The following SAE1 variants were observed in gnomAD, a reference collection of about 807,000 sequenced individuals.
SAE1 encodes SUMO1 activating enzyme subunit 1, also known as SUMO-activating enzyme subunit 1.
SAE1 carries 11 observed loss-of-function variants against 40.6 expected under a neutral mutation model. That is an observed-to-expected ratio of 0.27 (90% CI 0.17 to 0.45). SAE1 has a LOEUF of 0.45. SAE1 is among the 20% of genes least tolerant of loss of function. The pLI, the probability that SAE1 is intolerant of heterozygous loss-of-function variation, is 1.00. For synonymous variants in SAE1, 155 were observed against 154.3 expected (o/e 1.00, Z -0.03); for missense variants, 373 against 427.3 (o/e 0.87, Z 1.12).
chr19:47,209,037 C>T lies in SAE1; in HGVS notation c.949-122C>T, dbSNP rs1174799404. The T allele has an allele frequency of 3.7e-6, 3 of 810,914 alleles. No homozygotes were observed. In the Admixed American group the frequency reaches 7.8e-5, roughly 21 times the overall value. 50.2% of individuals were successfully genotyped at this position (810,914 alleles called of 1,614,324 possible). On this transcript the variant is annotated intron_variant, in intron 8 of 8. Transcript: ENST00000270225. ...TTGTCTCCAGACATTGCCAAATAGC[C>T]CTTTGGGAGCAAAATCGACCCCAGT...
At chr19:47,185,965 C>T (rs2058541763) in intron 6 of SAE1, among the ~76,000 whole-genome samples, 1 of 149,002 alleles carries the variant, frequency 6.7e-6, no homozygotes, top group Non-Finnish European at 1.5e-5. Flanking sequence ...TGGCCCCGGG[C>T]GTGGTGGCTC....
chr19:47,192,368 G>A (rs1161892201), intron 6 of SAE1, among the ~76,000 whole-genome samples: 1 of 151,372 alleles, frequency 6.6e-6, no homozygotes, highest in South Asian at 2.1e-4. Context: ...CCTGCCTCAG[G>A]CTCCCGAGTA....
At chr19:47,202,544 C>G (rs2058661287) in intron 7 of SAE1, among the ~76,000 whole-genome samples, 1 of 151,846 alleles carries the variant, frequency 6.6e-6, no homozygotes, top group Non-Finnish European at 1.5e-5. Context: ...CCTCGACCTC[C>G]CAAAGTGCTG....
intron 7 of SAE1, among the ~76,000 whole-genome samples, chr19:47,199,230 C>CAA (rs2058636351): frequency 6.6e-6 from 1 of 151,320 alleles, no homozygotes; most frequent in African/African-American, 2.4e-5. Context: ...ACTAAAAATA[C>CAA]AAAAAATTAG....
chr19:47,142,948 T>C (rs2058231124), intron 1 of SAE1, among the ~76,000 whole-genome samples: 1 of 152,202 alleles, frequency 6.6e-6, no homozygotes, highest in African/African-American at 2.4e-5. Flanking sequence ...GCAGGGACTA[T>C]GTCTGATTCA....
rs75385988 is a variant in SAE1, at chr19:47,135,025, G to T, written c.98+3997G>T. 7.7e-3 allele frequency among the ~76,000 whole-genome samples: 1,170 copies of T among 152,190 alleles called. 10 individuals are homozygous for T. The highest frequency in any genetic ancestry group is 0.027 in the African/African-American group (1,113 of 41,508). ...TGTCCATTTTCAGCCGAGGTTTTTA[G>T]AAATTAAAAATTTTTTTGTGTGAGT... On this transcript the variant is annotated intron_variant, in intron 1 of 8. Transcript: ENST00000270225.
intron 5 of SAE1, 126 bp downstream of exon 5, chr19:47,155,339 G>A (rs2058315775): frequency 1.7e-6 from 1 of 582,738 alleles, no homozygotes; most frequent in Non-Finnish European, 3.0e-6. Flanking sequence ...CCCATCTAAA[G>A]GGAGGCTGCC....
chr19:47,131,500 G>T (rs1183554123), intron 1 of SAE1, among the ~76,000 whole-genome samples: 2 of 152,020 alleles, frequency 1.3e-5, no homozygotes, highest in African/African-American at 4.8e-5. Flanking sequence ...GGGAGCTCAC[G>T]GGCGGGCCAG....
chr19:47,169,953 G>C (rs748767550), intron 6 of SAE1, 30 bp downstream of exon 6: 2 of 1,536,140 alleles, frequency 1.3e-6, no homozygotes, highest in Admixed American at 1.7e-5. Flanking sequence ...CTTACCCCGG[G>C]AGAGCTTTTG....
At chr19:47,180,080 T>C (rs2123275109) in intron 6 of SAE1, 3 of 424,062 alleles carry the variant, frequency 7.1e-6, no homozygotes, top group East Asian at 1.4e-4. Flanking sequence ...TGGTTTCTTA[T>C]ACGTAGATGT....
At chr19:47,147,604 C>T (rs1261181952) in intron 2 of SAE1, among the ~76,000 whole-genome samples, 1 of 151,574 alleles carries the variant, frequency 6.6e-6, no homozygotes, top group Middle Eastern at 3.2e-3. Context: ...AGGCGTGTGC[C>T]ACCACACCCG....
intron 1 of SAE1, among the ~76,000 whole-genome samples, chr19:47,138,756 G>C (rs62135077): frequency 6.6e-6 from 1 of 152,126 alleles, no homozygotes; most frequent in Non-Finnish European, 1.5e-5. Flanking sequence ...GCTGAGGTTG[G>C]AGGATCACTT....
At chr19:47,150,526 A>G in intron 3 of SAE1, 151 bp downstream of exon 3, 1 of 643,056 alleles carries the variant, frequency 1.6e-6, no homozygotes, top group Non-Finnish European at 2.6e-6. Context: ...TCTATTGTTT[A>G]GGCTTAGTAT....
chr19:47,131,411 G>A (rs1028854228), intron 1 of SAE1, among the ~76,000 whole-genome samples: 3 of 152,124 alleles, frequency 2.0e-5, no homozygotes, highest in Non-Finnish European at 2.9e-5. Context: ...ATTCATTCGA[G>A]GGTATGGGAC....
intron 8 of SAE1, among the ~76,000 whole-genome samples, chr19:47,206,386 G>GACTC (rs1330717747): frequency 6.6e-6 from 1 of 152,208 alleles, no homozygotes; most frequent in South Asian, 2.1e-4. Flanking sequence ...AAGGGCCTCA[G>GACTC]ACTCACCTTT....
chr19:47,130,838 C>G lies in SAE1; in HGVS notation c.-93C>G. ...GGGTCTGCGCATGCGCAGAAGCACT[C>G]CGGGCGTGCTGCCGGCGGCGGTAGG... On this transcript the variant is annotated 5_prime_UTR_variant, in exon 1 of 9. Transcript: ENST00000270225. 2 of 1,537,650 alleles carry G rather than the reference C, an allele frequency of 1.3e-6. No individual in the cohort carries two copies. Among genetic ancestry groups the G allele is most frequent in the Non-Finnish European group, 1.8e-6 (2 of 1,141,746 alleles).
At position 47,154,479 on chromosome 19, in the gene SAE1, G is replaced by GT. The variant is rs1568590968; in HGVS notation, c.528-635_528-634insT. 1.9e-3 allele frequency among the ~76,000 whole-genome samples: 171 copies of GT among 91,632 alleles called. 2 individuals are homozygous for GT. The highest frequency in any genetic ancestry group is 5.9e-3 in the African/African-American group (150 of 25,562). The allele number at this position is 91,632 out of a possible 152,430, so 60.1% of individuals were successfully genotyped here. ...CAGCAGAGGGGCAGAATTAAGTTTG[G>GT]CTTTTTTTTTTTTTTTTTTTTTTTT... On this transcript the variant is annotated intron_variant, in intron 4 of 8. Coordinates refer to ENST00000270225, the MANE Select transcript of SAE1 (RefSeq NM_005500.3).
intron 5 of SAE1, among the ~76,000 whole-genome samples, chr19:47,161,944 C>T (rs2058361987): frequency 6.6e-6 from 1 of 152,188 alleles, no homozygotes; most frequent in South Asian, 2.1e-4. Context: ...TAGGGCTTTG[C>T]TGTCCATTTT....
intron 1 of SAE1, among the ~76,000 whole-genome samples, chr19:47,142,358 T>C (rs1315407460): frequency 6.7e-6 from 1 of 148,714 alleles, no homozygotes; most frequent in African/African-American, 2.5e-5. Context: ...CACTCCAGCC[T>C]GGGCAACAGA....
Sources: allele counts gnomAD v4.1 joint callset (sites outside exome capture counted in the v4.1 genomes callset), GRCh38; gene constraint gnomAD v4.1.1; transcripts MANE v1.5; gene names NCBI Gene and HGNC (gene_info 2026-07-23, HGNC 2026-07-21).